The following HHAT variants were observed in gnomAD, a reference collection of about 807,000 sequenced individuals.
The protein encoded by HHAT is hedgehog acyltransferase, also known as protein-cysteine N-palmitoyltransferase HHAT.
Under a neutral mutation model 70.8 loss-of-function variants are expected in HHAT, and 47 were observed. The ratio of observed to expected loss-of-function variants is 0.66; its 90% CI spans 0.53 to 0.85. HHAT has a LOEUF of 0.85. HHAT is among the 40% of genes least tolerant of loss of function. HHAT has a pLI of 0.00. For missense variants in HHAT, 609 were observed against 604.8 expected, an observed-to-expected ratio of 1.01 and a Z score of -0.07; for synonymous variants, 228 against 247.6, an observed-to-expected ratio of 0.92 and a Z score of 0.74.
intron 7 of HHAT, among the ~76,000 whole-genome samples, chr1:210,419,413 G>A (rs936826657): frequency 3.9e-5 from 6 of 152,146 alleles, no homozygotes. Flanking sequence ...GGCCAAAACA[G>A]CAGAGCCCAC....
chr1:210,370,816 G>A (rs559695436), intron 3 of HHAT, among the ~76,000 whole-genome samples: 61 of 151,782 alleles, frequency 4.0e-4, no homozygotes, highest in South Asian at 1.0e-3. Flanking sequence ...GGGTTTCACC[G>A]CATTAGTTAG....
intron 8 of HHAT, among the ~76,000 whole-genome samples, chr1:210,471,866 A>T (rs935083474): frequency 6.6e-6 from 1 of 152,208 alleles, no homozygotes; most frequent in Non-Finnish European, 1.5e-5. Flanking sequence ...TTCTCCTAGC[A>T]ATTTTCAATG....
chr1:210,510,897 A>T (rs1439755045), intron 8 of HHAT, among the ~76,000 whole-genome samples: 4 of 152,136 alleles, frequency 2.6e-5, no homozygotes, highest in Admixed American at 2.6e-4. Context: ...TTGTCCTGTG[A>T]TTCCCGGAAT....
intron 4 of HHAT, among the ~76,000 whole-genome samples, chr1:210,394,229 CTTTTTT>C (rs59554789): frequency 1.5e-3 from 179 of 115,898 alleles, no homozygotes; most frequent in African/African-American, 4.9e-3. Context: ...CATGATCTAT[CTTTTTT>C]TTTTTTTTTT....
chr1:210,606,294 G>A (rs1449256094), intron 10 of HHAT, among the ~76,000 whole-genome samples: 1 of 152,054 alleles, frequency 6.6e-6, no homozygotes, highest in Non-Finnish European at 1.5e-5. Flanking sequence ...AGCACACCAT[G>A]GTAAGTGTGG....
At chr1:210,444,576 A>G (rs1465214026) in intron 7 of HHAT, among the ~76,000 whole-genome samples, 13 of 151,258 alleles carry the variant, frequency 8.6e-5, no homozygotes. Context: ...TAGTCTTGGG[A>G]GAGTGTATGT....
chr1:210,497,680 T>A lies in HHAT; in HGVS notation c.1008-15473T>A, dbSNP rs139089201. 4.6e-3 allele frequency among the ~76,000 whole-genome samples: 702 copies of A among 152,226 alleles called. 4 individuals carry two copies. The highest frequency in any genetic ancestry group is 0.012 in the African/African-American group (487 of 41,558). On this transcript the variant is annotated intron_variant, in intron 8 of 11. Coordinates refer to ENST00000261458, the MANE Select transcript of HHAT (RefSeq NM_018194.6). ...CCAGTCACAGTGGAGGATTGGAGGA[T>A]GTGCTGTTTTCAGTGGGCTCGCAGG...
intron 10 of HHAT, among the ~76,000 whole-genome samples, chr1:210,607,183 A>G (rs1361684188): frequency 6.6e-6 from 1 of 152,036 alleles, no homozygotes. Flanking sequence ...TATTTGGTGT[A>G]TAAATGGCTT....
intron 7 of HHAT, chr1:210,462,960 C>T (rs1340686191): frequency 6.6e-6 from 1 of 152,156 alleles, no homozygotes; most frequent in African/African-American, 2.4e-5. Context: ...ATCGACATGT[C>T]CTGCAGTAAT....
chr1:210,410,652 G>A (rs556478639), intron 6 of HHAT, among the ~76,000 whole-genome samples: 1 of 150,366 alleles, frequency 6.7e-6, no homozygotes, highest in Admixed American at 6.6e-5. Context: ...TCAGCCTCCC[G>A]AGTAGCTGGG....
chr1:210,376,401 C>T (rs561836248), intron 3 of HHAT, among the ~76,000 whole-genome samples: 2 of 152,200 alleles, frequency 1.3e-5, no homozygotes, highest in South Asian at 4.1e-4. Context: ...TTTTAGCTGT[C>T]GTTAGTGGAG....
chr1:210,491,315 A>G (rs1326481441), intron 8 of HHAT, among the ~76,000 whole-genome samples: 1 of 152,108 alleles, frequency 6.6e-6, no homozygotes, highest in African/African-American at 2.4e-5. Flanking sequence ...TAGAAGATAA[A>G]TAAGTCTCTA....
upstream of HHAT, chr1:210,328,490 G>A (rs1189470068): frequency 6.5e-6 from 1 of 152,910 alleles, no homozygotes; most frequent in Non-Finnish European, 1.5e-5. Context: ...GTACAGGGAG[G>A]CTCACAGGGG....
At chr1:210,396,009 C>T (rs1191807091) in intron 4 of HHAT, among the ~76,000 whole-genome samples, 1 of 151,982 alleles carries the variant, frequency 6.6e-6, no homozygotes, top group Non-Finnish European at 1.5e-5. Context: ...AGAGTCAGAC[C>T]CCATTTTGAG....
chr1:210,507,228 T>C (rs1466003507), intron 8 of HHAT, among the ~76,000 whole-genome samples: 1 of 152,136 alleles, frequency 6.6e-6, no homozygotes, highest in Non-Finnish European at 1.5e-5. Context: ...AAATTGAGAA[T>C]ATACAGAGTG....
chr1:210,533,572 C>T (rs999268076), intron 9 of HHAT, among the ~76,000 whole-genome samples: 6 of 152,206 alleles, frequency 3.9e-5, no homozygotes, highest in African/African-American at 1.4e-4. Context: ...AGCTTTCTGT[C>T]TGTAAGAGCT....
rs539661329 is a variant in HHAT at position 210,387,476 on chromosome 1, C to A, written c.168C>A (p.Thr56=). The A allele has an allele frequency of 1.8e-5, 29 of 1,613,792 alleles. No homozygotes were observed. The highest frequency in any genetic ancestry group is 8.5e-7 in the Non-Finnish European group (1 of 1,179,892). Residue 56 remains threonine, a synonymous_variant, in exon 4 of 12, where the codon ACC becomes ACA. Transcript: ENST00000261458. ...TLFGGLKKDA[T]DFEWSFWMEW... ...TATTTTGTCCTATTTAGGATGCGAC[C>A]GACTTTGAGTGGAGCTTCTGGATGG...
chr1:210,471,701 G>A (rs368030295), intron 8 of HHAT, among the ~76,000 whole-genome samples: 3 of 152,130 alleles, frequency 2.0e-5, no homozygotes, highest in African/African-American at 7.2e-5. Flanking sequence ...TAATGCTTAC[G>A]TTCTGCCAGG....
intron 9 of HHAT, among the ~76,000 whole-genome samples, chr1:210,546,193 C>T (rs564437178): frequency 3.1e-4 from 47 of 152,284 alleles, no homozygotes; most frequent in Middle Eastern, 3.4e-3. Context: ...ACACACTGGG[C>T]CTTGGAGACA....
Sources: allele counts gnomAD v4.1 joint callset (sites outside exome capture counted in the v4.1 genomes callset), GRCh38; gene constraint gnomAD v4.1.1; transcripts MANE v1.5; gene names NCBI Gene and HGNC (gene_info 2026-07-23, HGNC 2026-07-21).